TBC1D5: variants seen among roughly 807,000 people sequenced by gnomAD.
TBC1D5 encodes the protein TBC1 domain family, member 5.
TBC1D5 carries 75 observed loss-of-function variants against 100.3 expected under a neutral mutation model. The observed-to-expected ratio is 0.75, with a 90% CI of 0.62 to 0.91. TBC1D5 has a LOEUF of 0.91. Among genes scored for constraint, TBC1D5 ranks in the 40% least tolerant of loss-of-function variants. TBC1D5 has a pLI of 0.00. For synonymous variants in TBC1D5, 323 were observed against 325.6 expected (o/e 0.99, Z 0.09); for missense variants, 910 against 942.4 (o/e 0.97, Z 0.45).
chr3:17,400,068 A>T (rs1263638054), intron 8 of TBC1D5, among the ~76,000 whole-genome samples: 1 of 152,022 alleles, frequency 6.6e-6, no homozygotes, highest in Non-Finnish European at 1.5e-5. Context: ...TTATCTATAC[A>T]TGCTTACTGT....
chr3:17,252,813 A>C (rs192800251), intron 16 of TBC1D5, among the ~76,000 whole-genome samples: 99 of 152,342 alleles, frequency 6.5e-4, no homozygotes, highest in Middle Eastern at 6.8e-3. Context: ...CAGGCACCAC[A>C]TCTATCTTTT....
intron 2 of TBC1D5, chr3:17,576,435 T>C (rs1038418324): frequency 1.3e-5 from 2 of 151,956 alleles, no homozygotes; most frequent in African/African-American, 4.8e-5. Flanking sequence ...ATCTGGATAG[T>C]AGCATTTTTG....
chr3:17,198,366 G>A (rs1020042823), intron 18 of TBC1D5, among the ~76,000 whole-genome samples: 1 of 152,098 alleles, frequency 6.6e-6, no homozygotes, highest in Non-Finnish European at 1.5e-5. Flanking sequence ...AGGAAGTCTT[G>A]GTGAGTAGCT....
Position 17,265,147 on chromosome 3 carries a change from CAT to C in TBC1D5, c.1246-6558_1246-6557del, listed in dbSNP as rs1316827554. On this transcript the variant is annotated intron_variant, in intron 15 of 21. Coordinates refer to ENST00000253692, the Ensembl canonical transcript of TBC1D5. ...TATTAATGCAGCATTTGTTTGCTAG[CAT>C]ATGAGAATATAATAATCAAAGTGAT... is the stretch of plus-strand genomic sequence containing the variant. 7.2e-5 allele frequency among the ~76,000 whole-genome samples: 11 copies of C among 152,220 alleles called. No individual in the cohort carries two copies. The East Asian group carries it at 2.1e-3, about 29-fold the overall frequency.
At chr3:17,200,969 G>A (rs190123357) in intron 18 of TBC1D5, among the ~76,000 whole-genome samples, 2 of 152,338 alleles carry the variant, frequency 1.3e-5, no homozygotes, top group Non-Finnish European at 2.9e-5. Flanking sequence ...GGAACTCTGT[G>A]TAAATGACTT....
At chr3:17,675,325 G>C (rs2068487649) in intron 1 of TBC1D5, among the ~76,000 whole-genome samples, 1 of 152,056 alleles carries the variant, frequency 6.6e-6, no homozygotes, top group Non-Finnish European at 1.5e-5. Flanking sequence ...ACTTAGGAAT[G>C]TGTGAACGTT....
intron 1 of TBC1D5, among the ~76,000 whole-genome samples, chr3:17,631,485 T>C (rs945331572): frequency 6.6e-6 from 1 of 152,250 alleles, no homozygotes; most frequent in Non-Finnish European, 1.5e-5. Context: ...GAATAACAGA[T>C]ATTCAATGTA....
intron 15 of TBC1D5, among the ~76,000 whole-genome samples, chr3:17,270,496 G>T (rs1383323406): frequency 2.6e-5 from 4 of 152,154 alleles, no homozygotes; most frequent in Non-Finnish European, 5.9e-5. Context: ...GAAGTAAGTA[G>T]AAGGCTCATT....
At chr3:17,391,553 G>T (rs953425150) in intron 8 of TBC1D5, among the ~76,000 whole-genome samples, 1 of 151,218 alleles carries the variant, frequency 6.6e-6, no homozygotes, top group Non-Finnish European at 1.5e-5. Context: ...TGAAACTGGG[G>T]TGCTGTTTCA....
chr3:17,416,843 A>C (rs576964435), intron 4 of TBC1D5, among the ~76,000 whole-genome samples: 1 of 152,280 alleles, frequency 6.6e-6, no homozygotes, highest in Admixed American at 6.5e-5. Context: ...TGGTTACCCC[A>C]AAATGGTCAA....
intron 1 of TBC1D5, among the ~76,000 whole-genome samples, chr3:17,662,461 A>T (rs537797348): frequency 6.6e-5 from 10 of 152,338 alleles, no homozygotes; most frequent in Admixed American, 6.5e-4. Flanking sequence ...CCTGACCATG[A>T]ACTGTTTAAA....
chr3:17,741,863 G>A (rs1364971015), upstream of TBC1D5, among the ~76,000 whole-genome samples: 1 of 120,600 alleles, frequency 8.3e-6, no homozygotes, highest in African/African-American at 3.3e-5. Context: ...CGTTTCTTAC[G>A]TGTGAATAAA....
At chr3:17,649,937 T>A (rs1194005679) in intron 1 of TBC1D5, among the ~76,000 whole-genome samples, 1 of 152,094 alleles carries the variant, frequency 6.6e-6, no homozygotes, top group African/African-American at 2.4e-5. Context: ...ATGTGGCCCA[T>A]ATACACCATG....
chr3:17,563,784 T>G (rs927751403), intron 2 of TBC1D5, among the ~76,000 whole-genome samples: 2 of 152,076 alleles, frequency 1.3e-5, no homozygotes, highest in East Asian at 1.9e-4. Flanking sequence ...TTGTTTTTTG[T>G]TTTTTTGGTT....
At chr3:17,624,965 C>T (rs531345619) in intron 1 of TBC1D5, among the ~76,000 whole-genome samples, 23 of 152,162 alleles carry the variant, frequency 1.5e-4, no homozygotes, top group Middle Eastern at 3.4e-3. Flanking sequence ...AGTATTAATA[C>T]ATCCTTTCAC....
At chr3:17,722,006 C>CTAA (rs950727747) in intron 1 of TBC1D5, among the ~76,000 whole-genome samples, 5 of 151,998 alleles carry the variant, frequency 3.3e-5, no homozygotes, top group East Asian at 3.8e-4. Flanking sequence ...TTAACTACTA[C>CTAA]TAATAATAAT....
chr3:17,733,213 C>G (rs1193472457), intron 1 of TBC1D5, among the ~76,000 whole-genome samples: 1 of 152,200 alleles, frequency 6.6e-6, no homozygotes, highest in African/African-American at 2.4e-5. Flanking sequence ...TCTGTCCTAT[C>G]TTCACTGCAT....
chr3:17,607,837 T>G (rs1341397455), intron 2 of TBC1D5, among the ~76,000 whole-genome samples: 27 of 152,030 alleles, frequency 1.8e-4, no homozygotes, highest in Admixed American at 1.8e-3. Context: ...GGCAACCCAT[T>G]AGGAGCAAAA....
At chr3:17,544,172 A>G (rs1039111751) in intron 2 of TBC1D5, among the ~76,000 whole-genome samples, 2 of 152,094 alleles carry the variant, frequency 1.3e-5, no homozygotes, top group Admixed American at 6.6e-5. Context: ...CTGGCCCAGA[A>G]AATCTGCTTT....
Sources: allele counts gnomAD v4.1 joint callset (sites outside exome capture counted in the v4.1 genomes callset), GRCh38; gene constraint gnomAD v4.1.1; transcripts MANE v1.5; gene names NCBI Gene and HGNC (gene_info 2026-07-23, HGNC 2026-07-21).